RUNDC3B: variants seen among roughly 807,000 people sequenced by gnomAD.
RUNDC3B encodes the protein RUN domain-containing protein 3B.
Under a neutral mutation model 58.4 loss-of-function variants are expected in RUNDC3B, and 33 were observed. The ratio of observed to expected loss-of-function variants is 0.56; its 90% CI spans 0.43 to 0.75. RUNDC3B has a LOEUF of 0.75. Ranked by LOEUF, RUNDC3B falls within the 30% of genes least tolerant of loss-of-function variation. The pLI, the probability that RUNDC3B is intolerant of heterozygous loss-of-function variation, is 0.00. For synonymous variants in RUNDC3B, 193 were observed against 195.2 expected, an observed-to-expected ratio of 0.99 and a Z score of 0.10; for missense variants, 501 against 535.7, an observed-to-expected ratio of 0.94 and a Z score of 0.64.
At chr7:87,824,905 C>T (rs1027403959) in intron 10 of RUNDC3B, among the ~76,000 whole-genome samples, 1 of 152,140 alleles carries the variant, frequency 6.6e-6, no homozygotes, top group Non-Finnish European at 1.5e-5. Flanking sequence ...GAAGAAATTT[C>T]TAAGCAACAA....
intron 8 of RUNDC3B, among the ~76,000 whole-genome samples, chr7:87,789,927 T>TAGG (rs1297455078): frequency 6.6e-6 from 1 of 152,200 alleles, no homozygotes; most frequent in Non-Finnish European, 1.5e-5. Flanking sequence ...ACAGCATCTC[T>TAGG]GGACCCACCC....
At chr7:87,737,721 T>G (rs1017327812) in intron 4 of RUNDC3B, among the ~76,000 whole-genome samples, 1 of 152,096 alleles carries the variant, frequency 6.6e-6, no homozygotes, top group Admixed American at 6.5e-5. Flanking sequence ...CCATTTTTCC[T>G]TTCCTCTTTT....
intron 10 of RUNDC3B, among the ~76,000 whole-genome samples, chr7:87,825,892 T>TGGAACAGCTGTATCTACCCAGTTC (rs1837778344): frequency 6.6e-6 from 1 of 152,208 alleles, no homozygotes; most frequent in Non-Finnish European, 1.5e-5. Flanking sequence ...TTCTCCAGTT[T>TGGAACAGCTGTATCTACCCAGTTC]GGAACAGCTG....
intron 1 of RUNDC3B, among the ~76,000 whole-genome samples, chr7:87,635,260 C>T (rs1821646502): frequency 6.6e-6 from 1 of 152,102 alleles, no homozygotes. Flanking sequence ...ACTGCTTTTA[C>T]CCAGTTGTAT....
intron 6 of RUNDC3B, among the ~76,000 whole-genome samples, chr7:87,751,156 T>G (rs1832958463): frequency 6.6e-6 from 1 of 152,166 alleles, no homozygotes; most frequent in African/African-American, 2.4e-5. Context: ...CCATTGCTTG[T>G]TTTTCTCAGG....
chr7:87,660,949 G>A (rs1824641729), intron 2 of RUNDC3B, among the ~76,000 whole-genome samples: 1 of 151,870 alleles, frequency 6.6e-6, no homozygotes, highest in Non-Finnish European at 1.5e-5. Context: ...AAATTTGTAA[G>A]ACTTACTTAA....
intron 9 of RUNDC3B, among the ~76,000 whole-genome samples, chr7:87,809,645 G>A (rs151090866): frequency 1.4e-3 from 212 of 152,282 alleles, no homozygotes; most frequent in Middle Eastern, 3.4e-3. Context: ...TGTTTGGAGA[G>A]TGTATACCCA....
At chr7:87,636,103 G>A (rs905462145) in intron 1 of RUNDC3B, among the ~76,000 whole-genome samples, 1 of 152,158 alleles carries the variant, frequency 6.6e-6, no homozygotes, top group Non-Finnish European at 1.5e-5. Context: ...TTAGCTTGGA[G>A]TGGAATTGAT....
At chr7:87,686,020 G>A (rs1489535854) in intron 2 of RUNDC3B, among the ~76,000 whole-genome samples, 1 of 152,142 alleles carries the variant, frequency 6.6e-6, no homozygotes, top group Non-Finnish European at 1.5e-5. Context: ...TCTTGGCCAA[G>A]TATTACTTCT....
At chr7:87,807,973 T>G (rs1391654012) in intron 9 of RUNDC3B, among the ~76,000 whole-genome samples, 2 of 152,128 alleles carry the variant, frequency 1.3e-5, no homozygotes, top group Non-Finnish European at 2.9e-5. Context: ...CACAAGATCT[T>G]TTTCTTATTT....
intron 6 of RUNDC3B, among the ~76,000 whole-genome samples, chr7:87,767,283 CT>C (rs1834025336): frequency 6.6e-6 from 1 of 152,086 alleles, no homozygotes; most frequent in African/African-American, 2.4e-5. Context: ...TAGTGTAATC[CT>C]TTGGAGATGT....
chr7:87,804,576 A>G (rs1836343103), intron 8 of RUNDC3B, among the ~76,000 whole-genome samples: 1 of 152,196 alleles, frequency 6.6e-6, no homozygotes, highest in African/African-American at 2.4e-5. Flanking sequence ...ATTAGCTGTG[A>G]TAATTCTACT....
In RUNDC3B at chr7:87,830,075, A is replaced by AAT; in HGVS notation, c.*46_*47dup. 1 of 1,317,496 alleles carries AAT rather than the reference A, an allele frequency of 7.6e-7. No homozygotes were observed. Among genetic ancestry groups the AAT allele is most frequent in the Middle Eastern group, 1.9e-4 (1 of 5,280 alleles). 81.6% of individuals were successfully genotyped at this position (1,317,496 alleles called of 1,614,324 possible). ...AAAACTTTTTATGTTGTAAATGTTT[A>AAT]ATTTACATGTTTGACTGCTGGGAAG... On this transcript the variant is annotated 3_prime_UTR_variant, in exon 11 of 11. Coordinates refer to ENST00000394654, the MANE Select transcript of RUNDC3B (RefSeq NM_001134405.2).
At chr7:87,699,271 GA>G (rs1158147471) in intron 2 of RUNDC3B, among the ~76,000 whole-genome samples, 2 of 152,022 alleles carry the variant, frequency 1.3e-5, no homozygotes, top group African/African-American at 4.8e-5. Flanking sequence ...CTTTCTACAA[GA>G]AGATTAAACA....
intron 2 of RUNDC3B, among the ~76,000 whole-genome samples, chr7:87,657,418 G>A (rs552189527): frequency 4.6e-5 from 7 of 152,246 alleles, no homozygotes; most frequent in African/African-American, 9.6e-5. Context: ...CAAAAAAACC[G>A]TAGTACCACC....
In RUNDC3B at chr7:87,832,269, G is replaced by A. The variant is rs1438335406; in HGVS notation, c.*2239G>A. The A allele has an allele frequency of 6.6e-6, 1 of 151,868 alleles. No individual in the cohort carries two copies. Among genetic ancestry groups the A allele is most frequent in the Non-Finnish European group, 1.5e-5 (1 of 67,912 alleles). 9.4% of individuals were successfully genotyped at this position (151,868 alleles called of 1,614,324 possible). A position where few individuals can be genotyped will look rare whatever the true frequency, so the allele number is the denominator to read the frequency against. On this transcript the variant is annotated 3_prime_UTR_variant, in exon 11 of 11. Transcript: ENST00000394654. ...TGCCTTGATGCGTACTATACTTGTT[G>A]CATGTATATTAAAAATTTTGTACTA...
chr7:87,644,764 G>A lies in RUNDC3B; in HGVS notation c.123-6058G>A, dbSNP rs192162091. ...TACTTATTCTCTCTGTGTATATATG[G>A]ATATATATATATTAATGCAGAACAT... On this transcript the variant is annotated intron_variant, in intron 1 of 10. Transcript: ENST00000394654. Among the ~76,000 whole-genome samples, 495 of 151,030 alleles carry A rather than the reference G, an allele frequency of 3.3e-3. 3 individuals carry two copies. The highest frequency in any genetic ancestry group is 0.012 in the African/African-American group (484 of 41,226).
chr7:87,793,636 A>G (rs1166946222), intron 8 of RUNDC3B, among the ~76,000 whole-genome samples: 1 of 152,310 alleles, frequency 6.6e-6, no homozygotes, highest in East Asian at 1.9e-4. Flanking sequence ...TTCCTTCATG[A>G]TTTAAAAAAA....
chr7:87,679,218 A>C (rs1318322929), intron 2 of RUNDC3B, among the ~76,000 whole-genome samples: 4 of 146,636 alleles, frequency 2.7e-5, no homozygotes, highest in African/African-American at 7.7e-5. Context: ...TCAGCCTCCC[A>C]AGAAGCTGGG....
Sources: gnomAD v4.1 joint callset for allele counts (sites outside exome capture counted in the v4.1 genomes callset) on GRCh38, gnomAD v4.1.1 for gene constraint, MANE v1.5 for transcripts, NCBI Gene and HGNC (gene_info 2026-07-23, HGNC 2026-07-21) for gene names.